Variants in KANSL1 observed in about 807,000 individuals in gnomAD.
KANSL1 encodes the protein KAT8 regulatory NSL complex subunit 1.
Under a neutral mutation model 103.6 loss-of-function variants are expected in KANSL1, and 22 were observed. The observed-to-expected ratio is 0.21, with a 90% confidence interval of 0.15 to 0.30. KANSL1 has a LOEUF of 0.30. Ranked by LOEUF, KANSL1 falls within the 10% of genes least tolerant of loss-of-function variation. The pLI is 1.00. For synonymous variants in KANSL1, 600 were observed against 527.6 expected, an observed-to-expected ratio of 1.14 and a Z score of -1.88; for missense variants, 1,337 against 1,399.8, an observed-to-expected ratio of 0.96 and a Z score of 0.72.
chr17:46,128,924 G>A (rs952195762), intron 2 of KANSL1, among the ~76,000 whole-genome samples: 6 of 152,212 alleles, frequency 3.9e-5, no homozygotes, highest in Admixed American at 2.0e-4. Flanking sequence ...AACTTCAGAA[G>A]CAAGGAGGCC....
intron 1 of KANSL1, among the ~76,000 whole-genome samples, chr17:46,219,284 A>AT (rs1418276082): frequency 1.3e-5 from 2 of 151,748 alleles, no homozygotes; most frequent in Non-Finnish European, 2.9e-5. Context: ...TGCTGAGATT[A>AT]TATCTAATTG....
At chr17:46,031,946 A>G in intron 14 of KANSL1, 101 bp downstream of exon 14, 1 of 1,544,656 alleles carries the variant, frequency 6.5e-7, no homozygotes, top group East Asian at 2.3e-5. Context: ...TGTCCCTTCA[A>G]AAGGGGGAGG....
rs71138525 is a variant in KANSL1 at position 46,096,311 on chromosome 17, CTTTTTTTTTTTTTT to C, written c.1290-1624_1290-1611del. ...CATACTACATACCTGGCTTTTTTTT[CTTTTTTTTTTTTTT>C]TTTTTTTGAGATGGAGTTTCTTTCA... On this transcript the variant is annotated intron_variant, in intron 2 of 14. Transcript: ENST00000432791. 9.2e-5 allele frequency among the ~76,000 whole-genome samples: 7 copies of C among 76,408 alleles called. No homozygotes were observed. In the South Asian group the frequency reaches 2.4e-3, roughly 26 times the overall value. 50.1% of individuals were successfully genotyped at this position (76,408 alleles called of 152,430 possible).
chr17:46,050,745 A>G (rs756106969), intron 6 of KANSL1, 41 bp from the exon 7 acceptor site: 2 of 1,578,370 alleles, frequency 1.3e-6, no homozygotes, highest in South Asian at 2.3e-5. Flanking sequence ...TCAGCATCTG[A>G]TAAAAAGCCA....
At chr17:46,183,685 T>C (rs947340534) in intron 1 of KANSL1, among the ~76,000 whole-genome samples, 2 of 151,816 alleles carry the variant, frequency 1.3e-5, no homozygotes, top group African/African-American at 4.9e-5. Flanking sequence ...GAGAGGTGGC[T>C]CACGCCTGTA....
intron 2 of KANSL1, among the ~76,000 whole-genome samples, chr17:46,164,519 G>T (rs2045901645): frequency 6.6e-6 from 1 of 152,252 alleles, no homozygotes; most frequent in Non-Finnish European, 1.5e-5. Flanking sequence ...AGAATACAAT[G>T]AAATTATTCC....
intron 1 of KANSL1, among the ~76,000 whole-genome samples, chr17:46,187,514 G>C (rs936410171): frequency 1.3e-5 from 2 of 152,102 alleles, no homozygotes; most frequent in East Asian, 3.9e-4. Flanking sequence ...TGCATTTCCT[G>C]ACCCTCAAAA....
intron 6 of KANSL1, among the ~76,000 whole-genome samples, chr17:46,053,280 T>C (rs1323355879): frequency 6.6e-6 from 1 of 151,264 alleles, no homozygotes; most frequent in Non-Finnish European, 1.5e-5. Flanking sequence ...CAAAACTCCG[T>C]CTCCAAAAAA....
chr17:46,114,620 A>C, intron 2 of KANSL1, among the ~76,000 whole-genome samples: 1 of 152,268 alleles, frequency 6.6e-6, no homozygotes, highest in Non-Finnish European at 1.5e-5. Flanking sequence ...TTCAAGCAAG[A>C]AAGAAGGTCT....
chr17:46,044,463 T>C (rs143241048), intron 7 of KANSL1: 75 of 152,356 alleles, frequency 4.9e-4, no homozygotes, highest in African/African-American at 1.7e-3. Context: ...TGCTGGGAAG[T>C]TGCTGTAGCC....
At chr17:46,153,164 A>T (rs765598120) in intron 2 of KANSL1, among the ~76,000 whole-genome samples, 1 of 152,234 alleles carries the variant, frequency 6.6e-6, no homozygotes, top group African/African-American at 2.4e-5. Context: ...TGAGTAAGTT[A>T]ATTTACTAGG....
At chr17:46,166,435 C>A (rs1203661646) in intron 2 of KANSL1, among the ~76,000 whole-genome samples, 3 of 151,952 alleles carry the variant, frequency 2.0e-5, no homozygotes, top group African/African-American at 7.3e-5. Context: ...TCACTTGAAC[C>A]CGGGAGCCAG....
At chr17:46,123,978 G>C (rs55802590) in intron 2 of KANSL1, among the ~76,000 whole-genome samples, 21,707 of 152,104 alleles carry the variant, frequency 0.14, 2,131 homozygotes, top group Non-Finnish European at 0.22. Flanking sequence ...TGTCTTCAAA[G>C]AGAGGAGAAT....
chr17:46,054,197 C>T (rs2077832491), intron 6 of KANSL1, among the ~76,000 whole-genome samples: 1 of 152,160 alleles, frequency 6.6e-6, no homozygotes, highest in Admixed American at 6.5e-5. Flanking sequence ...GGATTGCAGG[C>T]ATGCACCACC....
chr17:46,145,218 G>A (rs2044636675), intron 2 of KANSL1, among the ~76,000 whole-genome samples: 1 of 152,186 alleles, frequency 6.6e-6, no homozygotes, highest in Admixed American at 6.5e-5. Flanking sequence ...TATGACTTCA[G>A]AGCATGCCAT....
In KANSL1 at chr17:46,029,952, CTTCTTT is replaced by C. The variant is rs1356471550; in HGVS notation, c.*1518_*1523del. ...TTTTTTTTATTTTTTTCAATTTTTCCTTCTTTTTTTTTTTTAAGCACTAGTCTGTGC... is the reference window on the plus strand; with the variant it reads ...TTTTTTTTATTTTTTTCAATTTTTCCTTTTTTTTTAAGCACTAGTCTGTGC... On this transcript the variant is annotated 3_prime_UTR_variant, in exon 15 of 15. Coordinates refer to ENST00000432791, the MANE Select transcript of KANSL1 (RefSeq NM_015443.4). 1 of 147,466 alleles carries C rather than the reference CTTCTTT, an allele frequency of 6.8e-6. No individual in the cohort carries two copies. Among genetic ancestry groups the C allele is most frequent in the Non-Finnish European group, 1.5e-5 (1 of 65,350 alleles). 9.1% of individuals were successfully genotyped at this position (147,466 alleles called of 1,614,324 possible).
chr17:46,171,467 T>C lies in KANSL1; in HGVS notation c.677A>G (p.Asn226Ser), dbSNP rs1428454868. 1 of 1,614,150 alleles carries C rather than the reference T, an allele frequency of 6.2e-7. No individual in the cohort carries two copies. Among genetic ancestry groups the C allele is most frequent in the Non-Finnish European group, 8.5e-7 (1 of 1,180,030 alleles). The part of the protein sequence containing the change: ...DVEHTTLYSN[N>S]STANKSSVNS... ...GACAGAGGATTTGTTTGCAGTGCTA[T>C]TATTGCTATACAAAGTTGTGTGTTC... Residue 226 changes from asparagine (N) to serine (S), a missense_variant, in exon 2 of 15, where the codon AAT (asparagine) becomes AGT (serine). Asn to Ser is a conservative substitution (Grantham distance 46, BLOSUM62 1). Transcript: ENST00000432791.
intron 3 of KANSL1, among the ~76,000 whole-genome samples, chr17:46,087,457 G>A (rs972085014): frequency 3.9e-5 from 6 of 152,320 alleles, no homozygotes; most frequent in South Asian, 2.1e-4. Context: ...ATTCATGCAG[G>A]TAGCATCTAT....
At chr17:46,159,021 T>TA (rs1381187281) in intron 2 of KANSL1, among the ~76,000 whole-genome samples, 1 of 152,132 alleles carries the variant, frequency 6.6e-6, no homozygotes, top group Admixed American at 6.5e-5. Flanking sequence ...AACAAAAAAT[T>TA]ACAGTTACTA....
Sources: allele counts gnomAD v4.1 joint callset (sites outside exome capture counted in the v4.1 genomes callset), GRCh38; gene constraint gnomAD v4.1.1; transcripts MANE v1.5; gene names NCBI Gene and HGNC (gene_info 2026-07-23, HGNC 2026-07-21).